The following AP3B1 variants were observed in gnomAD, a reference collection of about 807,000 sequenced individuals.
AP3B1 encodes the protein AP-3 complex subunit beta-1.
A neutral mutation model predicts 132.5 loss-of-function variants in AP3B1; 61 were observed. The observed-to-expected ratio is 0.46, with a 90% CI of 0.37 to 0.57. The LOEUF (loss-of-function observed/expected upper bound fraction) is 0.57, where lower values mean the gene tolerates loss of function less well. AP3B1 is among the 20% of genes least tolerant of loss of function. The probability of loss-of-function intolerance (pLI) is 0.00; values close to 1 mark genes in which losing one functional copy is unlikely to be tolerated. For synonymous variants in AP3B1, 388 were observed against 438.3 expected, an observed-to-expected ratio of 0.89 and a Z score of 1.43; for missense variants, 1,120 against 1,289.4, an observed-to-expected ratio of 0.87 and a Z score of 2.01.
chr5:78,117,142 C>A (rs1484624995), intron 17 of AP3B1, among the ~76,000 whole-genome samples: 1 of 145,192 alleles, frequency 6.9e-6, no homozygotes, highest in Non-Finnish European at 1.5e-5. Context: ...CACCCTAGCT[C>A]TTGGCACTTC....
chr5:78,231,426 G>A (rs554132318), intron 3 of AP3B1, among the ~76,000 whole-genome samples: 3 of 152,016 alleles, frequency 2.0e-5, no homozygotes, highest in African/African-American at 4.8e-5. Flanking sequence ...TGCCCGCCTC[G>A]GCCTCCCAAA....
At chr5:78,084,045 AATT>A (rs1007134174) in intron 22 of AP3B1, among the ~76,000 whole-genome samples, 7 of 152,208 alleles carry the variant, frequency 4.6e-5, no homozygotes, top group Non-Finnish European at 1.0e-4. Context: ...ATCCCAGTGA[AATT>A]ATTTTCATTA....
chr5:78,075,371 TG>T (rs1405230152), intron 22 of AP3B1, among the ~76,000 whole-genome samples: 2 of 152,212 alleles, frequency 1.3e-5, no homozygotes, highest in African/African-American at 4.8e-5. Context: ...AATTATGGTT[TG>T]TTTTTTTCTT....
intron 2 of AP3B1, among the ~76,000 whole-genome samples, chr5:78,241,470 C>T (rs1202513233): frequency 6.6e-6 from 1 of 152,144 alleles, no homozygotes; most frequent in Admixed American, 6.5e-5. Flanking sequence ...CAGGATCTGA[C>T]ATTAAAGATG....
intron 1 of AP3B1, among the ~76,000 whole-genome samples, chr5:78,273,826 G>A (rs1189451382): frequency 6.6e-6 from 1 of 151,834 alleles, no homozygotes; most frequent in Non-Finnish European, 1.5e-5. Flanking sequence ...CTAAAACTGA[G>A]CTTTGACAAG....
intron 20 of AP3B1, among the ~76,000 whole-genome samples, chr5:78,106,332 C>T (rs1351607440): frequency 6.6e-6 from 1 of 152,106 alleles, no homozygotes; most frequent in Non-Finnish European, 1.5e-5. Context: ...GTAGTGCATG[C>T]CTATAGTCCC....
chr5:78,031,101 C>T (rs1487310219), intron 24 of AP3B1, among the ~76,000 whole-genome samples: 2 of 152,106 alleles, frequency 1.3e-5, no homozygotes, highest in Non-Finnish European at 2.9e-5. Flanking sequence ...CTGTCTCTGC[C>T]TTTTTGCTTT....
rs2087617 is a variant in AP3B1, at chr5:78,046,802, A to T, written c.2578-7528T>A. 2.0e-5 allele frequency among the ~76,000 whole-genome samples: 3 copies of T among 151,752 alleles called. No individual in the cohort carries two copies. The East Asian group carries it at 5.8e-4, about 29-fold the overall frequency. On this transcript the variant is annotated intron_variant, in intron 22 of 26. Transcript: ENST00000255194. ...CGTGCCAAGGTGGTTTTGCTACACC[A>T]ATCACCCTGTCATCTATATTAGGTA...
rs201187964 is a variant in AP3B1 at position 78,130,867 on chromosome 5, A to AT, written c.1651-1561dup. The stretch of plus-strand genomic sequence containing the variant: ...AAGAAAGAGTCTCTTAATTGCAATG[A>AT]TTTTTTTGAGCTAGCAGAATGATAC... On this transcript the variant is annotated intron_variant, in intron 15 of 26. Transcript: ENST00000255194. Among the ~76,000 whole-genome samples, 1,264 of 152,042 alleles carry AT rather than the reference A, an allele frequency of 8.3e-3. 26 individuals carry two copies. The highest frequency in any genetic ancestry group is 0.028 in the African/African-American group (1,174 of 41,526).
intron 14 of AP3B1, among the ~76,000 whole-genome samples, chr5:78,152,982 A>G (rs963767136): frequency 2.2e-4 from 34 of 152,182 alleles, no homozygotes; most frequent in Non-Finnish European, 4.3e-4. Context: ...AGAATGATCC[A>G]TGTGCTGATA....
chr5:78,179,671 C>A (rs932326852), intron 8 of AP3B1, among the ~76,000 whole-genome samples: 1 of 152,132 alleles, frequency 6.6e-6, no homozygotes, highest in South Asian at 2.1e-4. Context: ...TTAGAATAGC[C>A]TCCTAACATT....
Position 78,087,902 on chromosome 5 carries a change from G to C in AP3B1, c.2577+1491C>G, listed in dbSNP as rs1194396621. 2.6e-5 allele frequency among the ~76,000 whole-genome samples: 4 copies of C among 152,234 alleles called. No homozygotes were observed. In the East Asian group the frequency reaches 7.7e-4, roughly 29 times the overall value. On this transcript the variant is annotated intron_variant, in intron 22 of 26. Coordinates refer to ENST00000255194, the MANE Select transcript of AP3B1 (RefSeq NM_003664.5). Reference sequence around the variant, plus strand: ...GACAATGTGTCAGTCACTGTTCTAAGAGCTTTGCATATATTATTTCATTAA... The same window carrying C: ...GACAATGTGTCAGTCACTGTTCTAACAGCTTTGCATATATTATTTCATTAA...
At chr5:78,282,949 C>T (rs1749121326) in intron 1 of AP3B1, among the ~76,000 whole-genome samples, 2 of 151,908 alleles carry the variant, frequency 1.3e-5, no homozygotes, top group Non-Finnish European at 2.9e-5. Flanking sequence ...CAGGAGTAAG[C>T]CATGATAGGG....
At chr5:78,105,234 GA>G (rs1751285679) in intron 20 of AP3B1, among the ~76,000 whole-genome samples, 1 of 152,058 alleles carries the variant, frequency 6.6e-6, no homozygotes, top group Admixed American at 6.6e-5. Flanking sequence ...GATATAACTA[GA>G]ATATTGCATC....
At chr5:78,020,631 A>G (rs1747050482) in intron 25 of AP3B1, 61 bp downstream of exon 25, 8 of 1,303,880 alleles carry the variant, frequency 6.1e-6, no homozygotes, top group Non-Finnish European at 8.8e-6. Context: ...TAGAGACTGT[A>G]CAGGAATAAG....
rs768736962 is a variant in AP3B1, at chr5:78,175,715, A to G, written c.1096-18T>C. The G allele has an allele frequency of 6.2e-7, 1 of 1,611,458 alleles. No individual in the cohort carries two copies. The highest frequency in any genetic ancestry group is 1.1e-5 in the South Asian group (1 of 91,016). On this transcript the variant is annotated intron_variant, in intron 10 of 26. Coordinates refer to ENST00000255194, the MANE Select transcript of AP3B1 (RefSeq NM_003664.5). The stretch of plus-strand genomic sequence containing the variant: ...AACATCCCCTGGATTACAAAAATAA[A>G]TACAAAAATACATTATGGTACTAAT...
chr5:78,061,060 A>T (rs1254755317), intron 22 of AP3B1, among the ~76,000 whole-genome samples: 1 of 152,018 alleles, frequency 6.6e-6, no homozygotes, highest in Non-Finnish European at 1.5e-5. Flanking sequence ...GAAGTACTGA[A>T]CCACATATCC....
chr5:78,133,763 T>C (rs1406447188), intron 15 of AP3B1, among the ~76,000 whole-genome samples: 2 of 152,192 alleles, frequency 1.3e-5, no homozygotes, highest in Non-Finnish European at 2.9e-5. Context: ...ATATCATATA[T>C]ACAGCTATTT....
intron 15 of AP3B1, among the ~76,000 whole-genome samples, chr5:78,138,624 T>TA (rs1300135937): frequency 2.6e-5 from 4 of 152,164 alleles, no homozygotes; most frequent in South Asian, 2.1e-4. Context: ...AATTTGTGAT[T>TA]AAAAAAAATC....
Sources: gnomAD v4.1 joint callset for allele counts (sites outside exome capture counted in the v4.1 genomes callset) on GRCh38, gnomAD v4.1.1 for gene constraint, MANE v1.5 for transcripts, NCBI Gene and HGNC (gene_info 2026-07-23, HGNC 2026-07-21) for gene names.